The following GPHN variants were observed in gnomAD, a reference collection of about 807,000 sequenced individuals.
The protein encoded by GPHN is gephyrin.
A neutral mutation model predicts 95.5 loss-of-function variants in GPHN; 17 were observed. That is an observed-to-expected ratio of 0.18 (90% CI 0.12 to 0.27). The LOEUF is 0.27. Ranked by LOEUF, GPHN falls within the 10% of genes least tolerant of loss-of-function variation. The probability of loss-of-function intolerance (pLI) is 1.00; values close to 1 mark genes in which losing one functional copy is unlikely to be tolerated. For missense variants in GPHN, 660 were observed against 978.1 expected, an observed-to-expected ratio of 0.67 and a Z score of 4.34; for synonymous variants, 320 against 322.5, an observed-to-expected ratio of 0.99 and a Z score of 0.08.
chr14:67,199,487 G>A, the GPHN span: 3 of 1,613,092 alleles, frequency 1.9e-6, no homozygotes, highest in Middle Eastern at 5.0e-4. Flanking sequence ...CAACTCCAAA[G>A]GTTATGCCTT....
intron 3 of GPHN, among the ~76,000 whole-genome samples, chr14:66,793,983 A>G (rs1057257996): frequency 2.0e-5 from 3 of 152,190 alleles, no homozygotes; most frequent in African/African-American, 7.2e-5. Context: ...TAAGGCATAC[A>G]TTGTCAGACT....
chr14:67,302,365 A>C, the GPHN span: 1 of 1,278,366 alleles, frequency 7.8e-7, no homozygotes, highest in South Asian at 2.1e-5. Flanking sequence ...CTTAACAAAA[A>C]TTGTATTATT....
At chr14:67,480,372 A>C in the GPHN span, among the ~76,000 whole-genome samples, 2 of 152,106 alleles carry the variant, frequency 1.3e-5, no homozygotes, top group African/African-American at 4.8e-5. Flanking sequence ...TCCCACAGAC[A>C]TCCCGGGAGA....
chr14:67,304,448 T>C, the GPHN span, among the ~76,000 whole-genome samples: 23,547 of 152,190 alleles, frequency 0.15, 3,430 homozygotes, highest in East Asian at 0.41. Context: ...TGATGGGATA[T>C]TATTTGATAA....
intron 2 of GPHN, among the ~76,000 whole-genome samples, chr14:66,730,543 A>G (rs1184457987): frequency 2.0e-5 from 3 of 152,200 alleles, no homozygotes; most frequent in Non-Finnish European, 2.9e-5. Flanking sequence ...AAAAAAGTTA[A>G]TATGCCAGTG....
chr14:67,700,884 G>A, the GPHN span, among the ~76,000 whole-genome samples: 1 of 151,156 alleles, frequency 6.6e-6, no homozygotes, highest in Non-Finnish European at 1.5e-5. Flanking sequence ...AATTAGCTGG[G>A]CACGGCGGCG....
chr14:67,570,266 C>T, the GPHN span: 1 of 920,774 alleles, frequency 1.1e-6, no homozygotes, highest in Non-Finnish European at 1.3e-6. Flanking sequence ...TTACAGCTCT[C>T]CCCACCTTTT....
intron 2 of GPHN, among the ~76,000 whole-genome samples, chr14:66,765,416 A>G (rs1239341309): frequency 2.0e-5 from 3 of 152,310 alleles, no homozygotes; most frequent in East Asian, 3.9e-4. Context: ...AATCATTTAA[A>G]TGCCCATCAG....
chr14:67,173,663 T>C (rs564607647), intron 21 of GPHN, among the ~76,000 whole-genome samples: 1 of 151,918 alleles, frequency 6.6e-6, no homozygotes, highest in East Asian at 1.9e-4. Context: ...CAAGCAAATA[T>C]AACACCGCCA....
At chr14:67,581,274 G>GCACA in the GPHN span, among the ~76,000 whole-genome samples, 1,108 of 148,072 alleles carry the variant, frequency 7.5e-3, 10 homozygotes, top group Admixed American at 0.012. Flanking sequence ...GTGTGTATAT[G>GCACA]CACACACACA....
At chr14:66,934,812 G>C (rs1034733094) in intron 8 of GPHN, among the ~76,000 whole-genome samples, 1 of 152,166 alleles carries the variant, frequency 6.6e-6, no homozygotes, top group Non-Finnish European at 1.5e-5. Context: ...CAGACTGCTT[G>C]ACTTTTTGGT....
intron 8 of GPHN, among the ~76,000 whole-genome samples, chr14:66,942,849 T>G (rs1046777187): frequency 4.5e-4 from 69 of 152,306 alleles, no homozygotes; most frequent in Middle Eastern, 3.4e-3. Flanking sequence ...AGTTTGATTT[T>G]GGGAAGCCTA....
chr14:67,206,776 G>C, the GPHN span, among the ~76,000 whole-genome samples: 1 of 151,960 alleles, frequency 6.6e-6, no homozygotes, highest in Non-Finnish European at 1.5e-5. Flanking sequence ...CGTTGCCCAG[G>C]CTGGAGTGCA....
chr14:66,735,054 T>C (rs1227521732), intron 2 of GPHN, among the ~76,000 whole-genome samples: 1 of 152,124 alleles, frequency 6.6e-6, no homozygotes, highest in East Asian at 1.9e-4. Flanking sequence ...AGAAATTGAG[T>C]GAAATGCATT....
chr14:66,696,906 A>G (rs913108779), intron 2 of GPHN, among the ~76,000 whole-genome samples: 2 of 152,274 alleles, frequency 1.3e-5, no homozygotes, highest in African/African-American at 4.8e-5. Flanking sequence ...TAACCATAAA[A>G]GAGTAGTCCT....
the GPHN span, among the ~76,000 whole-genome samples, chr14:67,246,898 C>T: frequency 6.6e-6 from 1 of 152,156 alleles, no homozygotes; most frequent in Non-Finnish European, 1.5e-5. Flanking sequence ...GATCTGCCTG[C>T]CCCGGCTTCC....
intron 1 of GPHN, among the ~76,000 whole-genome samples, chr14:66,661,063 T>C (rs116881622): frequency 0.013 from 2,029 of 152,274 alleles, 21 homozygotes; most frequent in Middle Eastern, 0.02. Context: ...GGCTCTAGTA[T>C]CCCTAACAAA....
chr14:66,665,340 A>C (rs1422985041), intron 1 of GPHN, among the ~76,000 whole-genome samples: 9 of 152,316 alleles, frequency 5.9e-5, no homozygotes, highest in African/African-American at 2.2e-4. Context: ...AAATTTTTGC[A>C]ATCTACTCAT....
the GPHN span, among the ~76,000 whole-genome samples, chr14:67,481,537 G>T: frequency 6.6e-6 from 1 of 152,204 alleles, no homozygotes; most frequent in African/African-American, 2.4e-5. Context: ...AGGAATAGGA[G>T]ACAGTGTCAT....
Sources: allele counts gnomAD v4.1 joint callset (sites outside exome capture counted in the v4.1 genomes callset), GRCh38; gene constraint gnomAD v4.1.1; transcripts MANE v1.5; gene names NCBI Gene and HGNC (gene_info 2026-07-23, HGNC 2026-07-21).